Variants in RIMS1 observed in about 807,000 individuals in gnomAD.
The protein encoded by RIMS1 is regulating synaptic membrane exocytosis protein 1.
In RIMS1, 83 loss-of-function variants were observed where a neutral mutation model predicts 214.1. That is an observed-to-expected ratio of 0.39 (90% CI 0.32 to 0.47). RIMS1 has a LOEUF of 0.47. RIMS1 is among the 20% of genes least tolerant of loss of function. The pLI is 0.99. For synonymous variants in RIMS1, 793 were observed against 786.8 expected, an observed-to-expected ratio of 1.01 and a Z score of -0.13; for missense variants, 2,050 against 2,161.8, an observed-to-expected ratio of 0.95 and a Z score of 1.03.
intron 2 of RIMS1, among the ~76,000 whole-genome samples, chr6:72,085,948 G>T (rs892330565): frequency 6.6e-6 from 1 of 152,108 alleles, no homozygotes; most frequent in Non-Finnish European, 1.5e-5. Context: ...CACATAAAGC[G>T]TGTCCCTAAA....
chr6:72,228,399 T>A (rs551918041), intron 6 of RIMS1, among the ~76,000 whole-genome samples: 23 of 152,082 alleles, frequency 1.5e-4, no homozygotes, highest in African/African-American at 5.3e-4. Flanking sequence ...ATACTACTTA[T>A]ACTCCTCATT....
intron 26 of RIMS1, among the ~76,000 whole-genome samples, chr6:72,294,427 A>T (rs539519907): frequency 2.2e-4 from 33 of 151,812 alleles, no homozygotes; most frequent in African/African-American, 7.9e-4. Context: ...CCCATTTTTT[A>T]AAAATGTTTA....
In RIMS1 at chr6:72,179,634, A is replaced by G. The variant is rs530407518; in HGVS notation, c.531A>G (p.Ala177=). The G allele has an allele frequency of 1.4e-5, 22 of 1,613,852 alleles. No individual in the cohort carries two copies. The South Asian group carries it at 2.2e-4, about 16-fold the overall frequency. The stretch of plus-strand genomic sequence containing the variant: ...AAGAAATCTTAACCAAATCTGGGGC[A>G]TGGTTCTTTGGAAGTGGCCCTCAGC... ...KQQEILTKSG[A]WFFGSGPQQT... Residue 177 remains alanine (A), a synonymous_variant, in exon 5 of 34, where the codon GCA becomes GCG. Transcript: ENST00000521978.
chr6:72,072,046 T>G (rs1830692053), intron 2 of RIMS1, among the ~76,000 whole-genome samples: 1 of 152,176 alleles, frequency 6.6e-6, no homozygotes. Context: ...ATTGTAAAGA[T>G]GGAATTATAT....
intron 1 of RIMS1, among the ~76,000 whole-genome samples, chr6:71,921,503 A>C (rs1229498186): frequency 6.6e-6 from 1 of 152,196 alleles, no homozygotes; most frequent in South Asian, 2.1e-4. Flanking sequence ...CTTTACAGAC[A>C]ATTGTTCTGA....
chr6:72,130,505 T>C (rs1333921848), intron 4 of RIMS1, among the ~76,000 whole-genome samples: 1 of 152,172 alleles, frequency 6.6e-6, no homozygotes, highest in Non-Finnish European at 1.5e-5. Context: ...AAGTAGGTCA[T>C]AATGAGGGAT....
intron 4 of RIMS1, among the ~76,000 whole-genome samples, chr6:72,140,089 G>A (rs369574238): frequency 3.3e-5 from 5 of 152,074 alleles, no homozygotes; most frequent in African/African-American, 7.2e-5. Flanking sequence ...TCTTGTGGAC[G>A]TCTGAGCTCT....
intron 1 of RIMS1, among the ~76,000 whole-genome samples, chr6:71,896,172 C>A (rs1197590640): frequency 6.6e-6 from 1 of 152,024 alleles, no homozygotes; most frequent in Non-Finnish European, 1.5e-5. Flanking sequence ...TAAAGAGATT[C>A]TAATTTTATA....
intron 1 of RIMS1, among the ~76,000 whole-genome samples, chr6:71,930,283 G>A (rs1782666585): frequency 6.6e-6 from 1 of 151,930 alleles, no homozygotes; most frequent in Non-Finnish European, 1.5e-5. Flanking sequence ...CATATTTCAA[G>A]ACTATTTAAA....
intron 2 of RIMS1, among the ~76,000 whole-genome samples, chr6:72,058,077 C>T (rs1435409775): frequency 1.3e-5 from 2 of 152,152 alleles, no homozygotes; most frequent in Non-Finnish European, 2.9e-5. Context: ...ACTTGATTCA[C>T]CTGAAGGTGG....
chr6:72,397,595 AAAT>A (rs1210629702), intron 31 of RIMS1, among the ~76,000 whole-genome samples: 1 of 152,230 alleles, frequency 6.6e-6, no homozygotes, highest in Admixed American at 6.5e-5. Flanking sequence ...GATGTTCAAA[AAAT>A]AACTGATACA....
At chr6:72,190,326 A>G (rs1385095718) in intron 6 of RIMS1, among the ~76,000 whole-genome samples, 1 of 151,912 alleles carries the variant, frequency 6.6e-6, no homozygotes, top group African/African-American at 2.4e-5. Flanking sequence ...AGCCGGGCAT[A>G]TTGGTGCATG....
At chr6:72,231,524 T>C (rs2061978590) in intron 6 of RIMS1, among the ~76,000 whole-genome samples, 1 of 151,686 alleles carries the variant, frequency 6.6e-6, no homozygotes, top group African/African-American at 2.4e-5. Flanking sequence ...ATAAAATTTG[T>C]TTAAGCTGCA....
At chr6:72,356,341 C>T (rs1031047169) in intron 29 of RIMS1, among the ~76,000 whole-genome samples, 2 of 151,934 alleles carry the variant, frequency 1.3e-5, no homozygotes, top group African/African-American at 4.8e-5. Context: ...GTTTCTTAAA[C>T]TCTTCCACTG....
chr6:71,990,291 C>T (rs1257922266), intron 2 of RIMS1, among the ~76,000 whole-genome samples: 3 of 152,130 alleles, frequency 2.0e-5, no homozygotes, highest in Non-Finnish European at 4.4e-5. Context: ...ACGTGCAGCT[C>T]ATTTACAATG....
chr6:71,918,023 G>A lies in RIMS1; in HGVS notation c.164+30836G>A, dbSNP rs1447178889. On this transcript the variant is annotated intron_variant, in intron 1 of 33. Coordinates refer to ENST00000521978, the MANE Select transcript of RIMS1 (RefSeq NM_014989.7). ...TGAGATGATGATTAGCTATGCAGTT[G>A]GAGATGCTAAGTACGTAGTCGAATA... is the stretch of plus-strand genomic sequence containing the variant. Among the ~76,000 whole-genome samples the A allele has an allele frequency of 3.9e-5, 6 of 152,198 alleles. No homozygotes were observed. The East Asian group carries it at 1.2e-3, about 29-fold the overall frequency.
intron 16 of RIMS1, among the ~76,000 whole-genome samples, chr6:72,256,195 A>G (rs1251974439): frequency 6.6e-6 from 1 of 152,104 alleles, no homozygotes; most frequent in African/African-American, 2.4e-5. Flanking sequence ...AGAACTATAA[A>G]TGTATATTTA....
chr6:72,045,796 T>C (rs1822831546), intron 2 of RIMS1, among the ~76,000 whole-genome samples: 2 of 151,836 alleles, frequency 1.3e-5, no homozygotes, highest in African/African-American at 2.4e-5. Flanking sequence ...ATTTATAATG[T>C]TTTCATTTTG....
At chr6:72,245,691 T>G (rs1455627163) in intron 10 of RIMS1, 124 bp from the exon 11 acceptor site, 6 of 680,708 alleles carry the variant, frequency 8.8e-6, no homozygotes, top group Non-Finnish European at 1.6e-5. Flanking sequence ...TAATAGTAAC[T>G]CCTATTCATT....
Sources: gnomAD v4.1 joint callset for allele counts (sites outside exome capture counted in the v4.1 genomes callset) on GRCh38, gnomAD v4.1.1 for gene constraint, MANE v1.5 for transcripts, NCBI Gene and HGNC (gene_info 2026-07-23, HGNC 2026-07-21) for gene names.